Variants in PUM2 observed in about 807,000 individuals in gnomAD.
The protein encoded by PUM2 is pumilio homolog 2.
In PUM2, 57 loss-of-function variants were observed where a neutral mutation model predicts 124.5. The observed-to-expected ratio is 0.46, with a 90% CI of 0.37 to 0.57. The LOEUF (loss-of-function observed/expected upper bound fraction) is 0.57, where lower values mean the gene tolerates loss of function less well. PUM2 is among the 20% of genes least tolerant of loss of function. The pLI is 0.00. For missense variants in PUM2, 1,065 were observed against 1,290.6 expected (o/e 0.83, Z 2.68); for synonymous variants, 460 against 446.1 (o/e 1.03, Z -0.39).
intron 10 of PUM2, among the ~76,000 whole-genome samples, chr2:20,284,214 T>C (rs1274348601): frequency 6.6e-6 from 1 of 152,218 alleles, no homozygotes; most frequent in Non-Finnish European, 1.5e-5. Flanking sequence ...AGGAGAGAAG[T>C]TAGCTATATA....
At chr2:20,351,007 T>G (rs956105632), upstream of PUM2, among the ~76,000 whole-genome samples, 1 of 151,794 alleles carries the variant, frequency 6.6e-6, no homozygotes. Flanking sequence ...CGCTCTCACG[T>G]GTTTGGCCGC....
intron 3 of PUM2, among the ~76,000 whole-genome samples, chr2:20,315,896 T>C (rs1410044732): frequency 1.3e-5 from 2 of 150,146 alleles, no homozygotes; most frequent in African/African-American, 2.5e-5. Flanking sequence ...TTTTAAATCA[T>C]TGGTTCTGAT....
intron 8 of PUM2, among the ~76,000 whole-genome samples, chr2:20,296,969 ACAGGTGTGAGC>A (rs1173372923): frequency 6.6e-6 from 1 of 152,208 alleles, no homozygotes; most frequent in Non-Finnish European, 1.5e-5. Flanking sequence ...AGCTAGGATT[ACAGGTGTGAGC>A]CACTGCACCT....
At chr2:20,339,688 T>A (rs1208041265) in intron 1 of PUM2, among the ~76,000 whole-genome samples, 9 of 152,220 alleles carry the variant, frequency 5.9e-5, no homozygotes, top group Non-Finnish European at 1.0e-4. Context: ...AAGACCAGCC[T>A]AGCAGACATG....
At chr2:20,328,190 G>A (rs1684115677) in intron 1 of PUM2, among the ~76,000 whole-genome samples, 1 of 152,160 alleles carries the variant, frequency 6.6e-6, no homozygotes, top group South Asian at 2.1e-4. Context: ...AAAAAAATTA[G>A]CTGGGTGCGG....
intron 10 of PUM2, among the ~76,000 whole-genome samples, chr2:20,289,290 T>C (rs917606312): frequency 2.0e-5 from 3 of 151,970 alleles, no homozygotes; most frequent in African/African-American, 7.3e-5. Context: ...ACAGAGAAAC[T>C]AGTTAAGCAG....
At chr2:20,340,452 C>A (rs1369652860) in intron 1 of PUM2, among the ~76,000 whole-genome samples, 1 of 152,208 alleles carries the variant, frequency 6.6e-6, no homozygotes, top group Non-Finnish European at 1.5e-5. Context: ...AATGCACTAA[C>A]AGATGTAGTC....
intron 3 of PUM2, among the ~76,000 whole-genome samples, chr2:20,313,384 T>G (rs1045844243): frequency 3.3e-5 from 5 of 152,208 alleles, no homozygotes; most frequent in African/African-American, 4.8e-5. Flanking sequence ...AAACCTATGT[T>G]AAGAACAGTA....
intron 12 of PUM2, among the ~76,000 whole-genome samples, chr2:20,281,404 C>T (rs1320725405): frequency 6.6e-6 from 1 of 151,974 alleles, no homozygotes; most frequent in Non-Finnish European, 1.5e-5. Context: ...TGAGTAGGGG[C>T]CTAGAAATCT....
At chr2:20,252,152 A>G (rs938916589) in intron 20 of PUM2, among the ~76,000 whole-genome samples, 1 of 152,250 alleles carries the variant, frequency 6.6e-6, no homozygotes, top group Admixed American at 6.5e-5. Flanking sequence ...AATTTTTTAT[A>G]TTCATTAGTT....
At chr2:20,289,610 G>GA (rs1449808101) in intron 10 of PUM2, among the ~76,000 whole-genome samples, 2 of 152,162 alleles carry the variant, frequency 1.3e-5, no homozygotes, top group African/African-American at 4.8e-5. Flanking sequence ...ACAGCAGGAT[G>GA]AAAATCTCTT....
At chr2:20,306,748 C>T (rs1288260166) in intron 7 of PUM2, among the ~76,000 whole-genome samples, 2 of 151,578 alleles carry the variant, frequency 1.3e-5, no homozygotes, top group Non-Finnish European at 2.9e-5. Flanking sequence ...GACGGGATTA[C>T]AGACCCCCAC....
In PUM2 at chr2:20,295,768, C is replaced by T. The variant is rs544868081; in HGVS notation, c.1010-1250G>A. 2.0e-4 allele frequency among the ~76,000 whole-genome samples: 31 copies of T among 152,214 alleles called. No homozygotes were observed. In the South Asian group the frequency reaches 2.5e-3, roughly 12 times the overall value. On this transcript the variant is annotated intron_variant, in intron 8 of 20. Coordinates refer to ENST00000361078, the MANE Select transcript of PUM2 (RefSeq NM_015317.5). The stretch of plus-strand genomic sequence containing the variant: ...CCAGGAGCCTGAATTTATTAACATG[C>T]TGAAATTATTATATTTTGGATATGT...
chr2:20,272,661 T>C (rs1669310367), intron 13 of PUM2, among the ~76,000 whole-genome samples: 1 of 152,228 alleles, frequency 6.6e-6, no homozygotes, highest in Non-Finnish European at 1.5e-5. Context: ...TGCTTTTCCA[T>C]TTTCATTTTT....
At chr2:20,269,023 A>C (rs1024892245) in intron 13 of PUM2, among the ~76,000 whole-genome samples, 2 of 152,110 alleles carry the variant, frequency 1.3e-5, no homozygotes, top group Non-Finnish European at 2.9e-5. Context: ...CCAAGAAAGC[A>C]CAGCTAATAA....
chr2:20,330,447 A>C (rs1302518812), intron 1 of PUM2, among the ~76,000 whole-genome samples: 1 of 152,174 alleles, frequency 6.6e-6, no homozygotes, highest in African/African-American at 2.4e-5. Flanking sequence ...GCTTCCAGAG[A>C]TGGACTGAAA....
At chr2:20,307,151 G>A (rs62123458) in intron 7 of PUM2, among the ~76,000 whole-genome samples, 1 of 152,036 alleles carries the variant, frequency 6.6e-6, no homozygotes, top group East Asian at 2.0e-4. Flanking sequence ...AGAAGGCGGA[G>A]GCTGAAGTGA....
At chr2:20,342,851 T>A (rs12465832) in intron 1 of PUM2, among the ~76,000 whole-genome samples, 9 of 152,058 alleles carry the variant, frequency 5.9e-5, no homozygotes, top group Non-Finnish European at 1.0e-4. Flanking sequence ...TTCCTAAAGA[T>A]ACTTAAGTTT....
chr2:20,316,036 T>A (rs1279844626), intron 3 of PUM2, among the ~76,000 whole-genome samples: 1 of 152,108 alleles, frequency 6.6e-6, no homozygotes, highest in Non-Finnish European at 1.5e-5. Context: ...ACTAAATATT[T>A]AAAATTATGA....
Sources: allele counts gnomAD v4.1 joint callset (sites outside exome capture counted in the v4.1 genomes callset), GRCh38; gene constraint gnomAD v4.1.1; transcripts MANE v1.5; gene names NCBI Gene and HGNC (gene_info 2026-07-23, HGNC 2026-07-21).